Variants in LRP1B observed in about 807,000 individuals in gnomAD.
LRP1B encodes the protein LDL receptor related protein 1B.
A neutral mutation model predicts 556.6 loss-of-function variants in LRP1B; 217 were observed. That is an observed-to-expected ratio of 0.39 (90% CI 0.35 to 0.44). The LOEUF (loss-of-function observed/expected upper bound fraction) is 0.44. LRP1B is among the 20% of genes least tolerant of loss of function. The pLI, the probability that LRP1B is intolerant of heterozygous loss-of-function variation, is 1.00. For synonymous variants in LRP1B, 2,047 were observed against 1,865.8 expected (o/e 1.10, Z -2.50); for missense variants, 5,053 against 5,620.8 (o/e 0.90, Z 3.23).
chr2:141,520,253 G>C (rs1454865123), intron 2 of LRP1B, among the ~76,000 whole-genome samples: 1 of 152,094 alleles, frequency 6.6e-6, no homozygotes, highest in Non-Finnish European at 1.5e-5. Flanking sequence ...TTCAAAGAAA[G>C]AGAAATACTG....
At chr2:140,443,313 G>A (rs779105790) in intron 65 of LRP1B, among the ~76,000 whole-genome samples, 2 of 152,032 alleles carry the variant, frequency 1.3e-5, no homozygotes, top group African/African-American at 2.4e-5. Context: ...CACCCACCTC[G>A]GCCTCCTAAA....
At chr2:141,886,834 A>C (rs1013100741) in intron 1 of LRP1B, among the ~76,000 whole-genome samples, 1 of 152,068 alleles carries the variant, frequency 6.6e-6, no homozygotes, top group African/African-American at 2.4e-5. Flanking sequence ...CGATAGTGCT[A>C]ATATTGGTAG....
intron 65 of LRP1B, among the ~76,000 whole-genome samples, chr2:140,443,391 C>T (rs913848685): frequency 4.6e-5 from 7 of 152,072 alleles, no homozygotes; most frequent in African/African-American, 1.4e-4. Flanking sequence ...AGTGAACATC[C>T]AACTTAGACT....
intron 3 of LRP1B, among the ~76,000 whole-genome samples, chr2:141,390,094 C>T (rs1375993522): frequency 6.6e-6 from 1 of 152,012 alleles, no homozygotes; most frequent in African/African-American, 2.4e-5. Flanking sequence ...GCCGAGATCA[C>T]GCCATTGCAC....
At position 140,601,570 on chromosome 2, in the gene LRP1B, G is replaced by A. The variant is rs766915796; in HGVS notation, c.6869C>T (p.Thr2290Ile). 7.5e-5 allele frequency: 121 copies of A among 1,613,140 alleles called. No homozygotes were observed. The highest frequency in any genetic ancestry group is 1.0e-4 in the Non-Finnish European group (120 of 1,179,438). The change falls in exon 42 of 91, where the codon ACC becomes ATC. Residue 2290 changes from threonine to isoleucine, a missense_variant. By Grantham distance (89) the Thr-to-Ile change is moderately conservative. Coordinates refer to ENST00000389484, the MANE Select transcript of LRP1B (RefSeq NM_018557.3). ...CACAGTGTGTCTGGTGATGGATGAG[G>A]TGGTAGAGCTTGTCCAGTACAGTGT... ...WDTLYWTSST[T>I]SSITRHTVDQ...
At chr2:141,526,549 G>T (rs1245381724) in intron 2 of LRP1B, among the ~76,000 whole-genome samples, 1 of 151,988 alleles carries the variant, frequency 6.6e-6, no homozygotes, top group East Asian at 1.9e-4. Context: ...CCTCTAGAGT[G>T]GGTGGAATTT....
intron 37 of LRP1B, among the ~76,000 whole-genome samples, chr2:140,710,535 T>C (rs1686994594): frequency 6.6e-6 from 1 of 152,010 alleles, no homozygotes; most frequent in Non-Finnish European, 1.5e-5. Flanking sequence ...ATGATTTACA[T>C]TTTAAAAACA....
At chr2:141,055,280 C>T (rs1353940724) in intron 9 of LRP1B, 21 bp from the exon 10 acceptor site, 1 of 1,595,220 alleles carries the variant, frequency 6.3e-7, no homozygotes, top group Admixed American at 1.7e-5. Context: ...TAAAAAACAG[C>T]ATGCGTGAAA....
At chr2:140,239,677 A>C in intron 87 of LRP1B, 145 bp from the exon 88 acceptor site, 1 of 514,632 alleles carries the variant, frequency 1.9e-6, no homozygotes, top group South Asian at 3.2e-5. Flanking sequence ...GTTCATAATT[A>C]TGTTATTGGA....
At chr2:141,747,835 GTTC>G (rs892613991) in intron 2 of LRP1B, among the ~76,000 whole-genome samples, 17 of 152,164 alleles carry the variant, frequency 1.1e-4, no homozygotes, top group African/African-American at 3.9e-4. Flanking sequence ...GGTATTTGTT[GTTC>G]TTCTTGCATT....
chr2:142,064,439 T>C (rs1053010452), intron 1 of LRP1B, among the ~76,000 whole-genome samples: 4 of 151,592 alleles, frequency 2.6e-5, no homozygotes, highest in African/African-American at 9.7e-5. Flanking sequence ...GAAAGGGTCA[T>C]TATTCTAGCT....
chr2:141,612,710 A>G (rs1467914481), intron 2 of LRP1B, among the ~76,000 whole-genome samples: 5 of 152,220 alleles, frequency 3.3e-5, no homozygotes, highest in Admixed American at 3.3e-4. Context: ...ACTGGAGAGT[A>G]CTATAGGTTC....
chr2:140,482,718 C>T (rs1236354441), intron 59 of LRP1B, among the ~76,000 whole-genome samples: 2 of 151,762 alleles, frequency 1.3e-5, no homozygotes, highest in Admixed American at 6.6e-5. Context: ...AGAAAGGACC[C>T]CCAAGACATC....
At chr2:141,388,533 A>T (rs1377642801) in intron 3 of LRP1B, among the ~76,000 whole-genome samples, 2 of 152,112 alleles carry the variant, frequency 1.3e-5, no homozygotes, top group African/African-American at 4.8e-5. Flanking sequence ...CATTTTTTTT[A>T]AACCCACAGC....
intron 2 of LRP1B, among the ~76,000 whole-genome samples, chr2:141,634,003 A>C (rs968469875): frequency 6.6e-6 from 1 of 151,912 alleles, no homozygotes; most frequent in Admixed American, 6.6e-5. Context: ...AAATCACTAT[A>C]CGTGAGTAAT....
At chr2:141,873,823 A>G (rs1406934432) in intron 1 of LRP1B, among the ~76,000 whole-genome samples, 6 of 151,834 alleles carry the variant, frequency 4.0e-5, no homozygotes, top group African/African-American at 1.4e-4. Flanking sequence ...GATTTTCACT[A>G]TTGAGCAAAT....
At position 140,503,012 on chromosome 2, in the gene LRP1B, AC is replaced by A. The variant is rs1689262545; in HGVS notation, c.8612del (p.Cys2871PhefsTer10). 1 of 1,613,286 alleles carries A rather than the reference AC, an allele frequency of 6.2e-7. No homozygotes were observed. The highest frequency in any genetic ancestry group is 1.7e-5 in the Admixed American group (1 of 59,948). ...AAGGTGCTTCATCAGAATGGTCAGG[AC>A]AGTCAAAGTCTCCATCACACTGCCA... ...TQWQCDGDFD[C>X]PDHSDEAPLN... On this transcript the variant is annotated frameshift_variant, in exon 54 of 91. Transcript: ENST00000389484. LOFTEE classifies it high-confidence loss of function.
intron 2 of LRP1B, among the ~76,000 whole-genome samples, chr2:141,557,161 C>A (rs1230181400): frequency 1.3e-5 from 2 of 151,744 alleles, no homozygotes; most frequent in Admixed American, 1.3e-4. Flanking sequence ...AGGTTTTATT[C>A]TGTTCTCAAC....
intron 2 of LRP1B, among the ~76,000 whole-genome samples, chr2:141,687,635 TCTC>T (rs1303593807): frequency 5.3e-5 from 8 of 151,940 alleles, no homozygotes; most frequent in Non-Finnish European, 1.2e-4. Flanking sequence ...AATAGAAACT[TCTC>T]CTGTTCCATG....
Sources: allele counts gnomAD v4.1 joint callset (sites outside exome capture counted in the v4.1 genomes callset), GRCh38; gene constraint gnomAD v4.1.1; transcripts MANE v1.5; gene names NCBI Gene and HGNC (gene_info 2026-07-23, HGNC 2026-07-21).